The following TRDMT1 variants were observed in gnomAD, a reference collection of about 807,000 sequenced individuals.
TRDMT1 encodes the protein tRNA (cytosine(38)-C(5))-methyltransferase.
Under a neutral mutation model 51.2 loss-of-function variants are expected in TRDMT1, and 49 were observed. The ratio of observed to expected loss-of-function variants is 0.96; its 90% CI spans 0.76 to 1.21. TRDMT1 has a LOEUF of 1.21. Ranked by LOEUF, TRDMT1 falls within the 50% of genes most tolerant of loss-of-function variation. The probability of loss-of-function intolerance (pLI) is 0.00; values close to 1 mark genes in which losing one functional copy is unlikely to be tolerated. For synonymous variants in TRDMT1, 187 were observed against 164.6 expected (o/e 1.14, Z -1.04); for missense variants, 534 against 462.3 (o/e 1.16, Z -1.42).
Position 17,139,015 on chromosome 10 carries a change from A to C in TRDMT1, c.*10025T>G, listed in dbSNP as rs1837506623. ...ATCAGCCATAGCAGAGGAGATACTA[A>C]TTGCTAGGATTAAAGGCTCCAAAAG... On this transcript the variant is annotated 3_prime_UTR_variant, in exon 11 of 11. Transcript: ENST00000377799. 6.6e-6 allele frequency among the ~76,000 whole-genome samples: 1 copy of C among 152,192 alleles called. No homozygotes were observed. The highest frequency in any genetic ancestry group is 1.5e-5 in the Non-Finnish European group (1 of 68,032).
At chr10:17,173,614 T>C (rs949991409) in intron 2 of TRDMT1, among the ~76,000 whole-genome samples, 1 of 152,106 alleles carries the variant, frequency 6.6e-6, no homozygotes. Flanking sequence ...ATTGTGGTGG[T>C]AGTAGTTACA....
At chr10:17,153,292 ACT>A (rs1564557597) in intron 10 of TRDMT1, 4 of 576,206 alleles carry the variant, frequency 6.9e-6, no homozygotes, top group Admixed American at 3.4e-5. Flanking sequence ...GTGACCCACT[ACT>A]GGAGTTAGAG....
intron 1 of TRDMT1, among the ~76,000 whole-genome samples, chr10:17,201,114 C>T (rs771932372): frequency 5.3e-5 from 8 of 152,100 alleles, no homozygotes; most frequent in Non-Finnish European, 8.8e-5. Flanking sequence ...TGAATTGTAG[C>T]TATTATCCCT....
intron 10 of TRDMT1, chr10:17,151,254 T>C: frequency 1.0e-6 from 1 of 963,700 alleles, no homozygotes; most frequent in Non-Finnish European, 1.2e-6. Context: ...AGACAACTTT[T>C]AAAAAACTTA....
intron 3 of TRDMT1, among the ~76,000 whole-genome samples, chr10:17,163,294 G>C (rs1005918745): frequency 6.6e-5 from 10 of 152,104 alleles, no homozygotes; most frequent in Admixed American, 3.9e-4. Context: ...CCGAGCAGCA[G>C]GAATAGAGGA....
At chr10:17,199,815 A>G (rs978552248) in intron 1 of TRDMT1, among the ~76,000 whole-genome samples, 2 of 152,214 alleles carry the variant, frequency 1.3e-5, no homozygotes, top group African/African-American at 4.8e-5. Flanking sequence ...TACAGAACTT[A>G]ATAGCTTGGA....
rs1837485507 is a variant in TRDMT1, at chr10:17,138,401, A to G, written c.*10639T>C. Among the ~76,000 whole-genome samples the G allele has an allele frequency of 6.6e-6, 1 of 152,242 alleles. No homozygotes were observed. Among genetic ancestry groups the G allele is most frequent in the Admixed American group, 6.5e-5 (1 of 15,282 alleles). ...TTTCTGCAAAATTTCAGGGCAATAT[A>G]ACATTGTTCCAATTCTTTCATTTTC... On this transcript the variant is annotated 3_prime_UTR_variant, in exon 11 of 11. Coordinates refer to ENST00000377799, the MANE Select transcript of TRDMT1 (RefSeq NM_004412.7).
chr10:17,144,082 T>C lies in TRDMT1; in HGVS notation c.*4958A>G, dbSNP rs1588681402. The C allele has an allele frequency of 1.0e-5, 10 of 985,252 alleles. No individual in the cohort carries two copies. The East Asian group carries it at 3.4e-4, about 34-fold the overall frequency. The allele number at this position is 985,252 out of a possible 1,614,324, so 61.0% of individuals were successfully genotyped here. On this transcript the variant is annotated 3_prime_UTR_variant, in exon 11 of 11. Coordinates refer to ENST00000377799, the MANE Select transcript of TRDMT1 (RefSeq NM_004412.7). ...AAAGGGTGAGAATCTCTAAGAAAAATGGCATGAAAAGTGAAGGGTAGAAAG... is the reference window on the plus strand; with the variant it reads ...AAAGGGTGAGAATCTCTAAGAAAAACGGCATGAAAAGTGAAGGGTAGAAAG...
chr10:17,151,925 G>T, intron 10 of TRDMT1: 1 of 1,157,476 alleles, frequency 8.6e-7, no homozygotes. Flanking sequence ...GGTGGGGCTG[G>T]GATATGAAAT....
At chr10:17,191,557 T>G (rs1163619304) in intron 1 of TRDMT1, among the ~76,000 whole-genome samples, 1 of 152,114 alleles carries the variant, frequency 6.6e-6, no homozygotes, top group African/African-American at 2.4e-5. Context: ...CCAACTGCTC[T>G]GGCAATGAGG....
chr10:17,178,429 A>C (rs1362281589), intron 1 of TRDMT1, among the ~76,000 whole-genome samples: 1 of 152,194 alleles, frequency 6.6e-6, no homozygotes, highest in Non-Finnish European at 1.5e-5. Context: ...TAATTCCAGC[A>C]CTTTGGGAAG....
At chr10:17,186,488 G>T (rs1157581848) in intron 1 of TRDMT1, among the ~76,000 whole-genome samples, 2 of 152,108 alleles carry the variant, frequency 1.3e-5, no homozygotes, top group Admixed American at 1.3e-4. Context: ...AAGGGATAAT[G>T]AGCCACGTAC....
At chr10:17,200,696 A>G (rs571190309) in intron 1 of TRDMT1, 6 of 155,758 alleles carry the variant, frequency 3.9e-5, no homozygotes, top group Non-Finnish European at 8.8e-5. Flanking sequence ...TTTTGAGTGA[A>G]TATCACCAAA....
At position 17,147,902 on chromosome 10, in the gene TRDMT1, C is replaced by T. The variant is rs10904888; in HGVS notation, c.*1138G>A. 21,119 of 794,120 alleles carry T rather than the reference C, an allele frequency of 0.027. 334 individuals carry two copies. The highest frequency in any genetic ancestry group is 0.041 in the Middle Eastern group (61 of 1,504). 49.2% of individuals were successfully genotyped at this position (794,120 alleles called of 1,614,324 possible). A position where few individuals can be genotyped will look rare whatever the true frequency, so the allele number is the denominator to read the frequency against. On this transcript the variant is annotated 3_prime_UTR_variant, in exon 11 of 11. Coordinates refer to ENST00000377799, the MANE Select transcript of TRDMT1 (RefSeq NM_004412.7). ...GACGAACCTCCATAGCGTTTTCCAA[C>T]AGCAGCTGAACCATTTTACGTTCCC... is the stretch of plus-strand genomic sequence containing the variant.
At chr10:17,160,650 T>G (rs1360586099) in intron 5 of TRDMT1, among the ~76,000 whole-genome samples, 3 of 152,120 alleles carry the variant, frequency 2.0e-5, no homozygotes, top group Non-Finnish European at 2.9e-5. Context: ...TTTTTGTATT[T>G]TTAGTAGATA....
Position 17,147,057 on chromosome 10 carries a change from G to T in TRDMT1, c.*1983C>A. On this transcript the variant is annotated 3_prime_UTR_variant, in exon 11 of 11. Coordinates refer to ENST00000377799, the MANE Select transcript of TRDMT1 (RefSeq NM_004412.7). ...ACAGACCTTTCAAGTATTTATAGTT[G>T]GTGCACAGTAACTCGACACTTATTT... The T allele has an allele frequency of 1.0e-6, 1 of 985,574 alleles. No homozygotes were observed. The highest frequency in any genetic ancestry group is 1.2e-6 in the Non-Finnish European group (1 of 829,862). The allele number at this position is 985,574 out of a possible 1,614,324, so 61.1% of individuals were successfully genotyped here. A position where few individuals can be genotyped will look rare whatever the true frequency, so the allele number is the denominator to read the frequency against.
chr10:17,146,136 T>C lies in TRDMT1; in HGVS notation c.*2904A>G, dbSNP rs530202805. 1.1e-4 allele frequency: 105 copies of C among 985,454 alleles called. No individual in the cohort carries two copies. Among genetic ancestry groups the C allele is most frequent in the Admixed American group, 4.9e-4 (8 of 16,286 alleles). The allele number at this position is 985,454 out of a possible 1,614,324, so 61.0% of individuals were successfully genotyped here. A position where few individuals can be genotyped will look rare whatever the true frequency, so the allele number is the denominator to read the frequency against. The stretch of plus-strand genomic sequence containing the variant: ...TCTCTACTAAATAACTTTACCTCTT[T>C]GAAAAGTTGGATAATTTCAAGCAAC... On this transcript the variant is annotated 3_prime_UTR_variant, in exon 11 of 11. Transcript: ENST00000377799.
chr10:17,140,546 G>C lies in TRDMT1; in HGVS notation c.*8494C>G, dbSNP rs1837588003. Among the ~76,000 whole-genome samples the C allele has an allele frequency of 6.6e-6, 1 of 152,118 alleles. No homozygotes were observed. ...CACAAATGGGCAAGATGTAGCTTCT[G>C]CTCTGGAGGAAAAAAGTCAGCAGGG... On this transcript the variant is annotated 3_prime_UTR_variant, in exon 11 of 11. Coordinates refer to ENST00000377799, the MANE Select transcript of TRDMT1 (RefSeq NM_004412.7).
intron 1 of TRDMT1, among the ~76,000 whole-genome samples, chr10:17,176,259 T>C (rs1049013209): frequency 6.6e-6 from 1 of 152,244 alleles, no homozygotes. Context: ...ATCAGCATGA[T>C]GTAGCCTGCT....
Sources: allele counts gnomAD v4.1 joint callset (sites outside exome capture counted in the v4.1 genomes callset), GRCh38; gene constraint gnomAD v4.1.1; transcripts MANE v1.5; gene names NCBI Gene and HGNC (gene_info 2026-07-23, HGNC 2026-07-21).